POLR2J: variants seen among roughly 807,000 people sequenced by gnomAD.
POLR2J encodes the protein DNA-directed RNA polymerase II subunit RPB11-a.
A neutral mutation model predicts 13.4 loss-of-function variants in POLR2J; 12 were observed. The ratio of observed to expected loss-of-function variants is 0.90; its 90% CI spans 0.57 to 1.45. POLR2J has a LOEUF of 1.45. Ranked by LOEUF, POLR2J falls within the 40% of genes most tolerant of loss-of-function variation. The pLI, the probability that POLR2J is intolerant of heterozygous loss-of-function variation, is 0.00. For synonymous variants in POLR2J, 31 were observed against 53.6 expected (o/e 0.58, Z 1.84); for missense variants, 58 against 132.0 (o/e 0.44, Z 2.75).
intron 1 of POLR2J, among the ~76,000 whole-genome samples, chr7:102,476,807 A>T: frequency 2.4e-5 from 2 of 82,380 alleles, no homozygotes; most frequent in African/African-American, 4.3e-5. Context: ...TCCGGTAGAG[A>T]TGGGGTTTTG....
In POLR2J at chr7:102,478,871, C is replaced by A. The variant is rs775711511; in HGVS notation, c.-11G>T. 1.2e-6 allele frequency: 2 copies of A among 1,610,552 alleles called. No individual in the cohort carries two copies. The highest frequency in any genetic ancestry group is 2.7e-5 in the African/African-American group (2 of 74,856). On this transcript the variant is annotated 5_prime_UTR_variant, in exon 1 of 4. Coordinates refer to ENST00000292614, the MANE Select transcript of POLR2J (RefSeq NM_006234.6). ...TGGAGGGGCGTTCATGCTCCCGCCG[C>A]CGTTGCGTCCAGACCCCAAGGGTCC...
intron 2 of POLR2J, among the ~76,000 whole-genome samples, chr7:102,475,213 C>T (rs562660810): frequency 6.6e-6 from 1 of 152,366 alleles, no homozygotes; most frequent in Non-Finnish European, 1.5e-5. Flanking sequence ...CCTGCCCACA[C>T]CAGGAGACTG....
At chr7:102,478,700 C>G (rs1798496890) in intron 1 of POLR2J, 108 bp downstream of exon 1, 1 of 1,528,770 alleles carries the variant, frequency 6.5e-7, no homozygotes, top group Admixed American at 2.2e-5. Flanking sequence ...AGCAGACGAT[C>G]AAGCAAAAGC....
At chr7:102,474,187 C>G in intron 3 of POLR2J, 174 bp downstream of exon 3, 1 of 1,547,630 alleles carries the variant, frequency 6.5e-7, no homozygotes, top group East Asian at 2.4e-5. Flanking sequence ...CAGGCCCAGA[C>G]TCCACAGCCC....
At position 102,473,575 on chromosome 7, in the gene POLR2J, T is replaced by G; in HGVS notation, c.*74A>C. ...GGCTGGGACCGGCCGCTCTCCTCGG[T>G]GTGGTACCTGGAGCGGAGGGTCAGG... On this transcript the variant is annotated 3_prime_UTR_variant, in exon 4 of 4. Coordinates refer to ENST00000292614, the MANE Select transcript of POLR2J (RefSeq NM_006234.6). The G allele has an allele frequency of 6.8e-7, 1 of 1,473,122 alleles. No homozygotes were observed. Among genetic ancestry groups the G allele is most frequent in the South Asian group, 1.3e-5 (1 of 76,558 alleles). The allele number at this position is 1,473,122 out of a possible 1,614,324, so 91.3% of individuals were successfully genotyped here. A position where few individuals can be genotyped will look rare whatever the true frequency, so the allele number is the denominator to read the frequency against.
At chr7:102,473,957 T>G in intron 3 of POLR2J, 1 of 1,434,940 alleles carries the variant, frequency 7.0e-7, no homozygotes, top group Non-Finnish European at 9.1e-7. Context: ...CTTTCCCCTC[T>G]AAACTGTTCT....
rs759908030 is a variant in POLR2J at position 102,478,869 on chromosome 7, C to A, written c.-9G>T. ...GCTGGAGGGGCGTTCATGCTCCCGC[C>A]GCCGTTGCGTCCAGACCCCAAGGGT... On this transcript the variant is annotated 5_prime_UTR_variant, in exon 1 of 4. Transcript: ENST00000292614. The A allele has an allele frequency of 1.2e-6, 2 of 1,610,686 alleles. No homozygotes were observed. The highest frequency in any genetic ancestry group is 1.7e-6 in the Non-Finnish European group (2 of 1,179,696).
chr7:102,476,981 GT>G (rs1430448916), intron 1 of POLR2J, among the ~76,000 whole-genome samples: 1 of 116,782 alleles, frequency 8.6e-6, no homozygotes, highest in Non-Finnish European at 1.9e-5. Flanking sequence ...ACAGGCGCAC[GT>G]CATCATGCCT....
chr7:102,474,015 G>A, intron 3 of POLR2J: 2 of 1,439,160 alleles, frequency 1.4e-6, no homozygotes, highest in Non-Finnish European at 1.8e-6. Context: ...ACCCGGGGGT[G>A]AGCTGCCTCC....
chr7:102,473,774 CTTCCTGGAGGGCAGCCA>C (rs1278108683), intron 3 of POLR2J, 90 bp from the exon 4 acceptor site: 1 of 1,575,216 alleles, frequency 6.3e-7, no homozygotes, highest in Non-Finnish European at 8.6e-7. Context: ...CCGCCAGGCC[CTTCCTGGAGGGCAGCCA>C]TGGGCCACAC....
intron 2 of POLR2J, among the ~76,000 whole-genome samples, chr7:102,475,257 G>A (rs1241755423): frequency 1.3e-5 from 2 of 152,236 alleles, no homozygotes; most frequent in African/African-American, 4.8e-5. Context: ...GAAAAGCCTG[G>A]CTTCGCTGGT....
chr7:102,473,574 G>A lies in POLR2J; in HGVS notation c.*75C>T. 2.5e-6 allele frequency: 4 copies of A among 1,598,754 alleles called. No individual in the cohort carries two copies. In the South Asian group the frequency reaches 4.5e-5, roughly 18 times the overall value. Reference sequence around the variant, plus strand: ...TGGCTGGGACCGGCCGCTCTCCTCGGTGTGGTACCTGGAGCGGAGGGTCAG... The same window carrying A: ...TGGCTGGGACCGGCCGCTCTCCTCGATGTGGTACCTGGAGCGGAGGGTCAG... On this transcript the variant is annotated 3_prime_UTR_variant, in exon 4 of 4. Coordinates refer to ENST00000292614, the MANE Select transcript of POLR2J (RefSeq NM_006234.6).
In POLR2J at chr7:102,478,910, C is replaced by T. The variant is rs1230855096; in HGVS notation, c.-50G>A. 5.6e-6 allele frequency: 9 copies of T among 1,609,156 alleles called. No individual in the cohort carries two copies. The highest frequency in any genetic ancestry group is 7.6e-6 in the Non-Finnish European group (9 of 1,179,204). On this transcript the variant is annotated 5_prime_UTR_variant, in exon 1 of 4. It adds an upstream start codon to the 5' untranslated region. Transcript: ENST00000292614. ...CCCCAAGGGTCCGCCGCCGCCGCCA[C>T]CAGAGCCCTAATAAGAGGCCTCTTC... is the stretch of plus-strand genomic sequence containing the variant.
intron 3 of POLR2J, 93 bp downstream of exon 3, chr7:102,474,268 A>G: frequency 1.9e-6 from 3 of 1,607,886 alleles, no homozygotes; most frequent in Non-Finnish European, 2.5e-6. Flanking sequence ...CTCCCCCAGG[A>G]CCTCCGAAGA....
intron 1 of POLR2J, among the ~76,000 whole-genome samples, chr7:102,476,825 G>T: frequency 2.7e-5 from 2 of 74,902 alleles, no homozygotes; most frequent in East Asian, 3.9e-4. Flanking sequence ...TTGCCTTGTT[G>T]TCCTCGCTGG....
chr7:102,475,933 C>CA (rs1173486543), intron 2 of POLR2J, among the ~76,000 whole-genome samples: 1 of 104,538 alleles, frequency 9.6e-6, no homozygotes, highest in East Asian at 2.2e-4. Context: ...CAAAAACAAA[C>CA]AAACAAACAG....
At chr7:102,475,706 G>T (rs569081605) in intron 2 of POLR2J, among the ~76,000 whole-genome samples, 1 of 152,360 alleles carries the variant, frequency 6.6e-6, no homozygotes, top group African/African-American at 2.4e-5. Context: ...TGGATCACCT[G>T]AGGTCAGGAG....
intron 1 of POLR2J, among the ~76,000 whole-genome samples, chr7:102,478,439 T>C (rs534303931): frequency 2.3e-3 from 351 of 150,010 alleles, no homozygotes; most frequent in African/African-American, 8.2e-3. Flanking sequence ...ACTGCGGCTT[T>C]TACGCAGGCC....
At position 102,473,628 on chromosome 7, in the gene POLR2J, G is replaced by C. The variant is rs2229797; in HGVS notation, c.*21C>G. The C allele has an allele frequency of 9.4e-6, 15 of 1,595,598 alleles. No individual in the cohort carries two copies. Among genetic ancestry groups the C allele is most frequent in the African/African-American group, 1.4e-5 (1 of 70,620 alleles). ...CAGGTAGGAACGGGGCTCACAGGCC[G>C]AGCAGAGCCCCCTCTGGCCCCTACT... On this transcript the variant is annotated 3_prime_UTR_variant, in exon 4 of 4. Transcript: ENST00000292614.
Sources: gnomAD v4.1 joint callset for allele counts (sites outside exome capture counted in the v4.1 genomes callset) on GRCh38, gnomAD v4.1.1 for gene constraint, MANE v1.5 for transcripts, NCBI Gene and HGNC (gene_info 2026-07-23, HGNC 2026-07-21) for gene names.